Variants in GRIK2 observed in about 807,000 individuals in gnomAD.
GRIK2 encodes glutamate ionotropic receptor kainate type subunit 2, also known as glutamate receptor ionotropic, kainate 2.
GRIK2 carries 32 observed loss-of-function variants against 100.3 expected under a neutral mutation model. The ratio of observed to expected loss-of-function variants is 0.32; its 90% CI spans 0.24 to 0.43. The LOEUF is 0.43. Among genes scored for constraint, GRIK2 ranks in the 20% least tolerant of loss-of-function variants. GRIK2 has a pLI of 1.00. For synonymous variants in GRIK2, 417 were observed against 389.4 expected (o/e 1.07, Z -0.83); for missense variants, 843 against 1,114.9 (o/e 0.76, Z 3.47).
intron 4 of GRIK2, among the ~76,000 whole-genome samples, chr6:101,630,493 TG>T (rs1405324698): frequency 2.6e-5 from 4 of 152,170 alleles, no homozygotes; most frequent in African/African-American, 9.6e-5. Context: ...ATATGTTTGT[TG>T]GCTGCATGTA....
chr6:101,726,590 G>A (rs1774885058), intron 7 of GRIK2, among the ~76,000 whole-genome samples: 1 of 151,884 alleles, frequency 6.6e-6, no homozygotes, highest in Non-Finnish European at 1.5e-5. Flanking sequence ...ATGAAGACAG[G>A]TAGAAAGTAG....
At chr6:101,742,195 G>A (rs78875753) in intron 7 of GRIK2, among the ~76,000 whole-genome samples, 2 of 152,178 alleles carry the variant, frequency 1.3e-5, no homozygotes, top group Non-Finnish European at 2.9e-5. Context: ...AGTGAACCAG[G>A]CCTGGTGTGC....
At chr6:101,948,446 T>G in intron 14 of GRIK2, among the ~76,000 whole-genome samples, 1 of 3,486 alleles carries the variant, frequency 2.9e-4, no homozygotes, top group South Asian at 0.017. Context: ...CCTTAACTAA[T>G]ATATATATAT....
At chr6:101,973,283 C>T (rs1793170290) in intron 14 of GRIK2, among the ~76,000 whole-genome samples, 1 of 151,784 alleles carries the variant, frequency 6.6e-6, no homozygotes, top group African/African-American at 2.4e-5. Context: ...TTTTAGCAAG[C>T]ACTTGAAGTA....
At chr6:101,482,368 A>G (rs1772576833) in intron 2 of GRIK2, among the ~76,000 whole-genome samples, 1 of 152,180 alleles carries the variant, frequency 6.6e-6, no homozygotes, top group Non-Finnish European at 1.5e-5. Context: ...CATCTTTGAT[A>G]GTAGTATGCT....
At chr6:101,521,348 A>G (rs1034383368) in intron 2 of GRIK2, among the ~76,000 whole-genome samples, 1 of 152,016 alleles carries the variant, frequency 6.6e-6, no homozygotes, top group Non-Finnish European at 1.5e-5. Context: ...AAGACAATTA[A>G]CTTTATAAGC....
chr6:101,798,103 T>C (rs1046398300), intron 7 of GRIK2, among the ~76,000 whole-genome samples: 11 of 151,618 alleles, frequency 7.3e-5, no homozygotes, highest in Non-Finnish European at 2.9e-5. Flanking sequence ...TTAGCTCCGA[T>C]TTTCTTAATG....
chr6:101,564,392 G>C (rs1777156288), intron 2 of GRIK2, among the ~76,000 whole-genome samples: 1 of 152,124 alleles, frequency 6.6e-6, no homozygotes, highest in Non-Finnish European at 1.5e-5. Context: ...ACAGAAGTGA[G>C]ACTGTATCAA....
At chr6:101,865,488 G>A (rs1480227372) in intron 11 of GRIK2, among the ~76,000 whole-genome samples, 4 of 152,150 alleles carry the variant, frequency 2.6e-5, no homozygotes, top group African/African-American at 9.7e-5. Flanking sequence ...ATCAAAAGCA[G>A]TTTATTCTAA....
chr6:101,638,146 A>G (rs59507249), intron 4 of GRIK2, among the ~76,000 whole-genome samples: 3,043 of 151,248 alleles, frequency 0.02, 111 homozygotes, highest in African/African-American at 0.07. Context: ...ATATCTTACA[A>G]TTTATTTACC....
At chr6:101,913,562 GA>G (rs1176663822) in intron 12 of GRIK2, among the ~76,000 whole-genome samples, 1 of 151,486 alleles carries the variant, frequency 6.6e-6, no homozygotes, top group Admixed American at 6.6e-5. Context: ...TTTAACATAT[GA>G]AAATGATATC....
At chr6:101,579,212 A>G (rs1172921037) in intron 2 of GRIK2, among the ~76,000 whole-genome samples, 1 of 152,138 alleles carries the variant, frequency 6.6e-6, no homozygotes, top group Admixed American at 6.6e-5. Flanking sequence ...CTGAGAGTCA[A>G]AGAAATGAAG....
At chr6:101,446,181 A>G (rs963218525) in intron 2 of GRIK2, among the ~76,000 whole-genome samples, 3 of 151,972 alleles carry the variant, frequency 2.0e-5, no homozygotes, top group Non-Finnish European at 4.4e-5. Context: ...CTGGTATCCC[A>G]GGTAGTACTT....
chr6:102,065,529 CTACTCCCT>C (rs1369748142), intron 16 of GRIK2, among the ~76,000 whole-genome samples: 1 of 151,228 alleles, frequency 6.6e-6, no homozygotes, highest in East Asian at 1.9e-4. Flanking sequence ...GTTACTTAGC[CTACTCCCT>C]TACTATAGGC....
rs930304018 is a variant in GRIK2 at position 101,826,955 on chromosome 6, C to T, written c.1317+8472C>T. ...TCTTGAAAGTCGAGTTCAACTATTA[C>T]ACAATCATTATTTCCATAAGACTCA... On this transcript the variant is annotated intron_variant, in intron 10 of 16. Coordinates refer to ENST00000369134, the MANE Select transcript of GRIK2 (RefSeq NM_021956.5). Among the ~76,000 whole-genome samples the T allele has an allele frequency of 7.9e-5, 12 of 151,872 alleles. 1 individual carries two copies. Among genetic ancestry groups the T allele is most frequent in the African/African-American group, 2.9e-4 (12 of 41,408 alleles).
intron 2 of GRIK2, among the ~76,000 whole-genome samples, chr6:101,595,728 A>G (rs1409947980): frequency 1.3e-3 from 170 of 133,468 alleles, no homozygotes; most frequent in Admixed American, 1.7e-3. Flanking sequence ...GTATATATAT[A>G]TATATATATA....
At chr6:101,546,847 TGG>T (rs1562216455) in intron 2 of GRIK2, among the ~76,000 whole-genome samples, 1 of 97,846 alleles carries the variant, frequency 1.0e-5, no homozygotes. Flanking sequence ...TTTTTTTTTT[TGG>T]AGACGGAGTC....
chr6:101,924,866 G>T, intron 13 of GRIK2, 147 bp downstream of exon 13: 2 of 615,958 alleles, frequency 3.2e-6, no homozygotes, highest in South Asian at 2.0e-5. Context: ...ATGCATTTAG[G>T]CCTTCTCAAA....
At chr6:101,934,050 A>G (rs1450681411) in intron 14 of GRIK2, among the ~76,000 whole-genome samples, 3 of 151,546 alleles carry the variant, frequency 2.0e-5, no homozygotes, top group Non-Finnish European at 3.0e-5. Context: ...TCTGCAAAGT[A>G]CATTCTAAAT....
Sources: gnomAD v4.1 joint callset for allele counts (sites outside exome capture counted in the v4.1 genomes callset) on GRCh38, gnomAD v4.1.1 for gene constraint, MANE v1.5 for transcripts, NCBI Gene and HGNC (gene_info 2026-07-23, HGNC 2026-07-21) for gene names.